FSTL5: variants seen among roughly 807,000 people sequenced by gnomAD.
FSTL5 encodes the protein follistatin like 5.
FSTL5 carries 62 observed loss-of-function variants against 89.1 expected under a neutral mutation model. That is an observed-to-expected ratio of 0.70 (90% confidence interval 0.57 to 0.86). FSTL5 has a LOEUF of 0.86. FSTL5 is among the 40% of genes least tolerant of loss of function. The probability of loss-of-function intolerance (pLI) is 0.00; values close to 1 mark genes in which losing one functional copy is unlikely to be tolerated. For synonymous variants in FSTL5, 383 were observed against 346.2 expected, an observed-to-expected ratio of 1.11 and a Z score of -1.18; for missense variants, 1,057 against 1,001.6, an observed-to-expected ratio of 1.06 and a Z score of -0.75.
intron 3 of FSTL5, among the ~76,000 whole-genome samples, chr4:161,980,764 CTTTTTTT>C (rs34223215): frequency 4.2e-5 from 3 of 71,826 alleles, no homozygotes; most frequent in Non-Finnish European, 7.5e-5. Flanking sequence ...CTTCAAGTAA[CTTTTTTT>C]TTTTTTTTTT....
chr4:161,783,643 TTCTCTC>T (rs33933881), intron 4 of FSTL5, among the ~76,000 whole-genome samples: 3 of 62,408 alleles, frequency 4.8e-5, no homozygotes, highest in African/African-American at 1.2e-4. Flanking sequence ...TTTTCTTTCT[TTCTCTC>T]TCTTTCTTTC....
chr4:161,865,613 T>TA (rs1732059374), intron 4 of FSTL5, among the ~76,000 whole-genome samples: 1 of 152,156 alleles, frequency 6.6e-6, no homozygotes, highest in Admixed American at 6.5e-5. Context: ...ACTATAACGT[T>TA]ACAATATCAA....
chr4:161,805,540 C>T (rs1234439371), intron 4 of FSTL5, among the ~76,000 whole-genome samples: 2 of 152,058 alleles, frequency 1.3e-5, no homozygotes, highest in African/African-American at 4.8e-5. Flanking sequence ...AGAATGACAT[C>T]CAGATTCCTT....
chr4:161,944,767 C>T (rs1012916298), intron 3 of FSTL5, among the ~76,000 whole-genome samples: 4 of 151,598 alleles, frequency 2.6e-5, no homozygotes, highest in Non-Finnish European at 5.9e-5. Context: ...TTTGATATTA[C>T]TAGCTTTATA....
At chr4:161,565,286 T>G (rs114867291) in intron 8 of FSTL5, among the ~76,000 whole-genome samples, 4,970 of 151,978 alleles carry the variant, frequency 0.033, 276 homozygotes, top group African/African-American at 0.11. Flanking sequence ...TTTTTGCATT[T>G]GATTAATATG....
intron 6 of FSTL5, among the ~76,000 whole-genome samples, chr4:161,661,245 G>A (rs188205370): frequency 8.5e-5 from 13 of 152,096 alleles, no homozygotes; most frequent in Admixed American, 4.6e-4. Context: ...TCTAAATATC[G>A]ACATCTTTGA....
chr4:161,638,519 C>T (rs569960859), intron 7 of FSTL5, among the ~76,000 whole-genome samples: 2 of 151,938 alleles, frequency 1.3e-5, no homozygotes, highest in South Asian at 4.2e-4. Context: ...GTTTACCAAC[C>T]AAAAAGAGTC....
intron 12 of FSTL5, among the ~76,000 whole-genome samples, chr4:161,484,442 T>C (rs1729612246): frequency 6.6e-6 from 1 of 152,194 alleles, no homozygotes; most frequent in African/African-American, 2.4e-5. Context: ...TTTTAACTAT[T>C]CAAGTATTCA....
chr4:161,562,142 A>T (rs1420380142), intron 8 of FSTL5, among the ~76,000 whole-genome samples: 1 of 151,944 alleles, frequency 6.6e-6, no homozygotes, highest in African/African-American at 2.4e-5. Context: ...TCCCCACTGG[A>T]CGTTCATTTT....
At chr4:161,439,804 T>C (rs963916647) in intron 15 of FSTL5, among the ~76,000 whole-genome samples, 1 of 152,170 alleles carries the variant, frequency 6.6e-6, no homozygotes, top group African/African-American at 2.4e-5. Flanking sequence ...ACTGATACTT[T>C]CAAATTTTTT....
intron 12 of FSTL5, among the ~76,000 whole-genome samples, chr4:161,491,336 T>C (rs1013807280): frequency 6.6e-6 from 1 of 152,000 alleles, no homozygotes; most frequent in Non-Finnish European, 1.5e-5. Flanking sequence ...CTATTAGATA[T>C]CTTTTGTGAA....
At chr4:161,600,024 C>T (rs1005673322) in intron 7 of FSTL5, among the ~76,000 whole-genome samples, 1 of 151,780 alleles carries the variant, frequency 6.6e-6, no homozygotes, top group African/African-American at 2.4e-5. Flanking sequence ...AAGTAACTTC[C>T]CTATGAAGGT....
At chr4:161,681,816 A>T (rs1737535438) in intron 6 of FSTL5, among the ~76,000 whole-genome samples, 1 of 152,146 alleles carries the variant, frequency 6.6e-6, no homozygotes, top group Admixed American at 6.6e-5. Flanking sequence ...AAATTGCTTT[A>T]CAAAAGAAAA....
chr4:162,153,080 A>G (rs1733293897), intron 1 of FSTL5, among the ~76,000 whole-genome samples: 1 of 152,170 alleles, frequency 6.6e-6, no homozygotes, highest in Non-Finnish European at 1.5e-5. Flanking sequence ...ATATCCCATC[A>G]ATACTTGATA....
intron 6 of FSTL5, among the ~76,000 whole-genome samples, chr4:161,679,269 C>A (rs1737435069): frequency 1.3e-5 from 2 of 151,666 alleles, no homozygotes; most frequent in African/African-American, 4.8e-5. Context: ...ATAATGTTCA[C>A]AAATGACAAT....
At chr4:161,634,901 ACT>A (rs1285995872) in intron 7 of FSTL5, among the ~76,000 whole-genome samples, 2 of 152,138 alleles carry the variant, frequency 1.3e-5, no homozygotes, top group South Asian at 4.1e-4. Flanking sequence ...CAAAATGGTA[ACT>A]CTGTGAGGTA....
At chr4:161,885,435 C>T (rs1172320480) in intron 4 of FSTL5, among the ~76,000 whole-genome samples, 1 of 151,906 alleles carries the variant, frequency 6.6e-6, no homozygotes, top group Non-Finnish European at 1.5e-5. Context: ...CTTACCATAT[C>T]CATATTTTTA....
chr4:161,773,090 G>T (rs772141806), intron 5 of FSTL5, among the ~76,000 whole-genome samples: 4 of 152,118 alleles, frequency 2.6e-5, no homozygotes, highest in Non-Finnish European at 5.9e-5. Context: ...AACATAAAGT[G>T]AGGGAAGGAC....
At chr4:161,672,084 G>A (rs1737134904) in intron 6 of FSTL5, among the ~76,000 whole-genome samples, 3 of 152,024 alleles carry the variant, frequency 2.0e-5, no homozygotes, top group Non-Finnish European at 4.4e-5. Context: ...TGCTTACACA[G>A]AAATGCTTTT....
Sources: allele counts gnomAD v4.1 joint callset (sites outside exome capture counted in the v4.1 genomes callset), GRCh38; gene constraint gnomAD v4.1.1; transcripts MANE v1.5; gene names NCBI Gene and HGNC (gene_info 2026-07-23, HGNC 2026-07-21).